Variants in AHNAK observed in about 807,000 individuals in gnomAD.
AHNAK encodes the protein neuroblast differentiation-associated protein AHNAK.
AHNAK carries 23 observed loss-of-function variants against 37.8 expected under a neutral mutation model. The ratio of observed to expected loss-of-function variants is 0.61; its 90% CI spans 0.44 to 0.86. AHNAK has a LOEUF of 0.86. Ranked by LOEUF, AHNAK falls within the 40% of genes least tolerant of loss-of-function variation. AHNAK has a pLI of 0.00. For missense variants in AHNAK, 7,411 were observed against 7,319.4 expected (o/e 1.01, Z -0.46); for synonymous variants, 2,481 against 2,636.3 (o/e 0.94, Z 1.80).
downstream of AHNAK, among the ~76,000 whole-genome samples, chr11:62,512,256 G>A (rs186309200): frequency 5.7e-4 from 87 of 152,284 alleles, no homozygotes; most frequent in African/African-American, 1.7e-3. The surrounding 1 kb of genome is among the most constrained non-coding windows in gnomAD (Gnocchi z 4.0). Context: ...CTGGGCTCCC[G>A]TGCCCTCCAG....
In AHNAK at chr11:62,521,351, C is replaced by A. The variant is rs749407741; in HGVS notation, c.13066G>T (p.Ala4356Ser). The A allele has an allele frequency of 1.9e-6, 3 of 1,613,548 alleles. No individual in the cohort carries two copies. The highest frequency in any genetic ancestry group is 1.3e-5 in the African/African-American group (1 of 74,734). The change falls in exon 5 of 5, where the codon GCC becomes TCC. Residue 4356 changes from alanine to serine, a missense_variant. Transcript: ENST00000378024. ...EISGPKVDID[A>S]PDVSIEGPDA... is the part of the protein sequence containing the mutation. ...GGACCTTCGATACTGACATCAGGGGCATCAATGTCCACTTTGGGGCCAGAA... is the reference window on the plus strand; with the variant it reads ...GGACCTTCGATACTGACATCAGGGGAATCAATGTCCACTTTGGGGCCAGAA...
At position 62,530,204 on chromosome 11, in the gene AHNAK, T is replaced by C. The variant is rs1244354787; in HGVS notation, c.4213A>G (p.Lys1405Glu). 6.2e-7 allele frequency: 1 copy of C among 1,612,524 alleles called. No homozygotes were observed. Among genetic ancestry groups the C allele is most frequent in the Admixed American group, 1.7e-5 (1 of 59,774 alleles). ...FKGEGPEVDV[K>E]LPKADVDVSG... ...ACATCAACGTCAGCTTTGGGCAGCT[T>C]CACATCCACTTCAGGGCCCTCTCCT... is the stretch of plus-strand genomic sequence containing the variant. The change falls in exon 5 of 5, where the codon AAG (lysine) becomes GAG (glutamate). Residue 1405 changes from lysine to glutamate, a missense_variant. Transcript: ENST00000378024.
At chr11:62,507,200 G>T (rs1476976525) in intron 4 of AHNAK, among the ~76,000 whole-genome samples, 1 of 152,084 alleles carries the variant, frequency 6.6e-6, no homozygotes. Context: ...ACAGACCCCC[G>T]TGTGAATCCT....
chr11:62,473,084 CAAAAAAAAAAAAAA>C (rs71056522), intron 5 of AHNAK, among the ~76,000 whole-genome samples: 108 of 17,294 alleles, frequency 6.2e-3, no homozygotes, highest in Admixed American at 0.01. Flanking sequence ...GACTCCATCT[CAAAAAAAAAAAAAA>C]AAAAAAAAAA....
At chr11:62,466,667 A>G (rs1393268242) in intron 5 of AHNAK, among the ~76,000 whole-genome samples, 3 of 152,118 alleles carry the variant, frequency 2.0e-5, no homozygotes, top group Admixed American at 2.0e-4. Context: ...TCTGCCAGCC[A>G]TCATCGCATC....
At chr11:62,490,823 C>T (rs1425155636) in intron 5 of AHNAK, among the ~76,000 whole-genome samples, 1 of 115,470 alleles carries the variant, frequency 8.7e-6, no homozygotes, top group Non-Finnish European at 1.6e-5. Context: ...ATCACTCTGT[C>T]GTCGCCCAGG....
intron 4 of AHNAK, among the ~76,000 whole-genome samples, chr11:62,504,877 G>A (rs908181812): frequency 6.6e-6 from 1 of 152,146 alleles, no homozygotes; most frequent in African/African-American, 2.4e-5. Flanking sequence ...AGGCTCTGCC[G>A]TTTCAAAATG....
In AHNAK at chr11:62,523,654, G is replaced by A; in HGVS notation, c.10763C>T (p.Ala3588Val). 9.3e-6 allele frequency: 15 copies of A among 1,614,008 alleles called. No homozygotes were observed. Among genetic ancestry groups the A allele is most frequent in the Non-Finnish European group, 1.3e-5 (15 of 1,180,010 alleles). ...DIKGPKVDIN[A>V]PDVDVHGPDW... ...TGGACCATGAACATCCACATCTGGG[G>A]CATTGATGTCCACTTTAGGGCCTTT... The change falls in exon 5 of 5, where the codon GCC (alanine) becomes GTC (valine). Residue 3588 changes from alanine (A) to valine (V), a missense_variant. Ala to Val is a moderately conservative substitution (Grantham distance 64, BLOSUM62 0). Coordinates refer to ENST00000378024, the MANE Select transcript of AHNAK (RefSeq NM_001620.3).
At chr11:62,444,959 C>G (rs540533770) in intron 5 of AHNAK, among the ~76,000 whole-genome samples, 1 of 152,226 alleles carries the variant, frequency 6.6e-6, no homozygotes, top group South Asian at 2.1e-4. Flanking sequence ...CTCTGTTCCT[C>G]GCCCATTACC....
Position 62,517,252 on chromosome 11 carries a change from G to A in AHNAK, c.17165C>T (p.Pro5722Leu). The A allele has an allele frequency of 6.2e-7, 1 of 1,614,088 alleles. No homozygotes were observed. Among genetic ancestry groups the A allele is most frequent in the South Asian group, 1.1e-5 (1 of 91,080 alleles). ...IKMPKFNFSK[P>L]KGKGGVTGSP... ...GCCAGTGACACCACCTTTCCCTTTA[G>A]GTTTGGAAAAATTAAACTTGGGCAT... is the stretch of plus-strand genomic sequence containing the variant. The change falls in exon 5 of 5, where the codon CCT becomes CTT. Residue 5722 changes from proline (P) to leucine (L), a missense_variant. Physicochemically the swap from Pro to Leu is moderately conservative, Grantham distance 98. Coordinates refer to ENST00000378024, the MANE Select transcript of AHNAK (RefSeq NM_001620.3).
downstream of AHNAK, among the ~76,000 whole-genome samples, chr11:62,511,772 G>T (rs1057214567): frequency 6.6e-6 from 1 of 152,024 alleles, no homozygotes; most frequent in Non-Finnish European, 1.5e-5. Flanking sequence ...TGTCTGCCAG[G>T]CTGGAATGCA....
chr11:62,457,183 G>A (rs967152193), intron 5 of AHNAK, among the ~76,000 whole-genome samples: 1 of 151,956 alleles, frequency 6.6e-6, no homozygotes, highest in Non-Finnish European at 1.5e-5. Flanking sequence ...AGTATGCCGG[G>A]CACGGTGTAA....
At chr11:62,475,314 T>G (rs1235368942) in intron 5 of AHNAK, among the ~76,000 whole-genome samples, 1 of 150,544 alleles carries the variant, frequency 6.6e-6, no homozygotes, top group Admixed American at 6.6e-5. Flanking sequence ...AAAAAAAAGG[T>G]GGGGGGACCC....
chr11:62,447,525 G>A (rs907377919), intron 5 of AHNAK, among the ~76,000 whole-genome samples: 4 of 152,148 alleles, frequency 2.6e-5, no homozygotes, highest in Admixed American at 6.5e-5. Flanking sequence ...AGAGGGCCTC[G>A]GTGACACTGA....
At chr11:62,495,339 TAAG>T (rs1301194128) in intron 4 of AHNAK, among the ~76,000 whole-genome samples, 1 of 152,184 alleles carries the variant, frequency 6.6e-6, no homozygotes, top group Non-Finnish European at 1.5e-5. Flanking sequence ...ATATTCAAGA[TAAG>T]AAGTTATCCT....
At position 62,528,250 on chromosome 11, in the gene AHNAK, A is replaced by C. The variant is rs1940580904; in HGVS notation, c.6167T>G (p.Phe2056Cys). 2 of 1,613,952 alleles carry C rather than the reference A, an allele frequency of 1.2e-6. No homozygotes were observed. The highest frequency in any genetic ancestry group is 1.7e-5 in the Admixed American group (1 of 59,992). ...LKMPKMKMPK[F>C]SMPGFKAEGP... is the part of the protein sequence containing the mutation. ...CTCTGCTTTGAAGCCAGGCATGCTG[A>C]ACTTGGGCATTTTCATCTTGGGCAT... The change falls in exon 5 of 5, where the codon TTC becomes TGC. Residue 2056 changes from phenylalanine to cysteine, a missense_variant. Transcript: ENST00000378024.
rs1274415306 is a variant in AHNAK at position 62,518,402 on chromosome 11, G to T, written c.16015C>A (p.Gln5339Lys). Reference protein sequence around the residue: ...LNLSGVGGKMQVGGDGVKVPG... With the variant: ...LNLSGVGGKMKVGGDGVKVPG... ...ACTTTCACACCGTCTCCTCCCACCT[G>T]CATTTTGCCACCGACACCACTGAGG... is the stretch of plus-strand genomic sequence containing the variant. Residue 5339 changes from glutamine (Q) to lysine (K), a missense_variant, in exon 5 of 5, where the codon CAG becomes AAG. Coordinates refer to ENST00000378024, the MANE Select transcript of AHNAK (RefSeq NM_001620.3). 5.6e-6 allele frequency: 9 copies of T among 1,613,932 alleles called. No individual in the cohort carries two copies. The South Asian group carries it at 9.9e-5, about 18-fold the overall frequency.
At position 62,516,992 on chromosome 11, in the gene AHNAK, C is replaced by T. The variant is rs1423388962; in HGVS notation, c.17425G>A (p.Glu5809Lys). Residue 5809 changes from glutamate to lysine, a missense_variant, in exon 5 of 5, where the codon GAA becomes AAA. By Grantham distance (56) the Glu-to-Lys change is moderately conservative. Transcript: ENST00000378024. The stretch of plus-strand genomic sequence containing the variant: ...TGTTTCCCTTTAACTTTCCCACCTT[C>T]CAGAGACACTTCCCCACCTTCAAAC... ...LEFEGGEVSL[E>K]GGKVKGKHGK... The T allele has an allele frequency of 1.9e-6, 3 of 1,614,230 alleles. No individual in the cohort carries two copies. Among genetic ancestry groups the T allele is most frequent in the Non-Finnish European group, 2.5e-6 (3 of 1,180,032 alleles).
intron 5 of AHNAK, among the ~76,000 whole-genome samples, chr11:62,474,742 A>T (rs1939108119): frequency 6.6e-6 from 1 of 152,212 alleles, no homozygotes; most frequent in African/African-American, 2.4e-5. Flanking sequence ...CAGTTTGCGG[A>T]CATACACTGA....
Sources: allele counts gnomAD v4.1 joint callset (sites outside exome capture counted in the v4.1 genomes callset), GRCh38; gene constraint gnomAD v4.1.1; non-coding constraint Gnocchi (gnomAD v3.1); transcripts MANE v1.5; gene names NCBI Gene and HGNC (gene_info 2026-07-23, HGNC 2026-07-21).